GPR158: variants seen among roughly 807,000 people sequenced by gnomAD.
GPR158 encodes G protein-coupled receptor 158, also known as metabotropic glycine receptor.
GPR158 carries 30 observed loss-of-function variants against 78.2 expected under a neutral mutation model. That is an observed-to-expected ratio of 0.38 (90% CI 0.29 to 0.52). GPR158 has a LOEUF of 0.52. Among genes scored for constraint, GPR158 ranks in the 20% least tolerant of loss-of-function variants. GPR158 has a pLI of 0.83. For synonymous variants in GPR158, 581 were observed against 591.1 expected, an observed-to-expected ratio of 0.98 and a Z score of 0.25; for missense variants, 1,463 against 1,523.5, an observed-to-expected ratio of 0.96 and a Z score of 0.66.
At chr10:25,243,210 G>A (rs759397955) in intron 2 of GPR158, among the ~76,000 whole-genome samples, 3 of 151,962 alleles carry the variant, frequency 2.0e-5, no homozygotes, top group Non-Finnish European at 4.4e-5. Flanking sequence ...CTCTTTACTT[G>A]TTGTGTTCAT....
At chr10:25,562,405 T>C (rs960015896) in intron 6 of GPR158, among the ~76,000 whole-genome samples, 12 of 152,216 alleles carry the variant, frequency 7.9e-5, no homozygotes, top group Non-Finnish European at 1.8e-4. Flanking sequence ...ATTGACTTTT[T>C]TCATATAAAC....
intron 5 of GPR158, among the ~76,000 whole-genome samples, chr10:25,497,686 C>T (rs1835901366): frequency 6.6e-6 from 1 of 151,974 alleles, no homozygotes; most frequent in Non-Finnish European, 1.5e-5. Flanking sequence ...GTGTGCTTAG[C>T]AAGGTGAATA....
In GPR158 at chr10:25,581,774, A is replaced by G. The variant is rs1202847529; in HGVS notation, c.1754-7233A>G. 2.6e-5 allele frequency among the ~76,000 whole-genome samples: 4 copies of G among 152,322 alleles called. No individual in the cohort carries two copies. In the East Asian group the frequency reaches 7.7e-4, roughly 29 times the overall value. On this transcript the variant is annotated intron_variant, in intron 7 of 10. Coordinates refer to ENST00000376351, the MANE Select transcript of GPR158 (RefSeq NM_020752.3). The stretch of plus-strand genomic sequence containing the variant: ...AAGATCAAAAATCAGACACTTTGAT[A>G]ATAGTAGCAAGCGATCCCATATCCA...
intron 2 of GPR158, among the ~76,000 whole-genome samples, chr10:25,241,182 TTTCTTTCCTTTCTTTC>T (rs1853608137): frequency 9.2e-6 from 1 of 108,418 alleles, no homozygotes; most frequent in Non-Finnish European, 1.8e-5. Flanking sequence ...TCTTTCTTTC[TTTCTTTCCTTTCTTTC>T]TTTCCTTTCT....
At chr10:25,196,754 C>T (rs1187411345) in intron 1 of GPR158, among the ~76,000 whole-genome samples, 1 of 152,194 alleles carries the variant, frequency 6.6e-6, no homozygotes, top group Non-Finnish European at 1.5e-5. Flanking sequence ...TCAATCTCTG[C>T]AGAAGAGTTC....
intron 2 of GPR158, among the ~76,000 whole-genome samples, chr10:25,226,277 A>G (rs1853371288): frequency 6.6e-6 from 1 of 152,182 alleles, no homozygotes; most frequent in Non-Finnish European, 1.5e-5. Context: ...TAGCCCATGT[A>G]ACTAGTGGCT....
chr10:25,473,423 T>G (rs574431640), intron 5 of GPR158, among the ~76,000 whole-genome samples: 10 of 152,264 alleles, frequency 6.6e-5, no homozygotes, highest in Admixed American at 4.6e-4. Context: ...TCTCTTTTTT[T>G]GTTGTGTCTC....
chr10:25,282,904 T>A (rs532127574), intron 2 of GPR158, among the ~76,000 whole-genome samples: 1 of 152,234 alleles, frequency 6.6e-6, no homozygotes, highest in Admixed American at 6.5e-5. Flanking sequence ...TATTGCTCAA[T>A]GTTTTCTAAT....
intron 2 of GPR158, among the ~76,000 whole-genome samples, chr10:25,338,446 ACG>A (rs1855245786): frequency 2.8e-5 from 4 of 144,180 alleles, no homozygotes; most frequent in African/African-American, 1.0e-4. Flanking sequence ...TATTATATAT[ACG>A]TAATATATAT....
chr10:25,255,906 C>A (rs904451133), intron 2 of GPR158, among the ~76,000 whole-genome samples: 3 of 152,130 alleles, frequency 2.0e-5, no homozygotes, highest in South Asian at 4.1e-4. Context: ...CCTGTCCATA[C>A]TCAATGGGAG....
chr10:25,192,786 TAAA>T (rs547118550), intron 1 of GPR158, among the ~76,000 whole-genome samples: 1 of 148,408 alleles, frequency 6.7e-6, no homozygotes, highest in Non-Finnish European at 1.5e-5. Context: ...AGAAAAATGA[TAAA>T]AAAAAATAAA....
intron 2 of GPR158, among the ~76,000 whole-genome samples, chr10:25,306,105 T>C (rs1854673283): frequency 6.6e-6 from 1 of 152,202 alleles, no homozygotes; most frequent in South Asian, 2.1e-4. Flanking sequence ...TTACTTTCTT[T>C]GTTCCCTGTT....
intron 2 of GPR158, among the ~76,000 whole-genome samples, chr10:25,353,544 C>A (rs1444066580): frequency 6.6e-6 from 1 of 151,780 alleles, no homozygotes; most frequent in South Asian, 2.1e-4. Flanking sequence ...GAGCTCTGAA[C>A]GTCTACCTCT....
intron 2 of GPR158, chr10:25,244,741 A>G (rs1588754701): frequency 1.3e-5 from 2 of 152,158 alleles, no homozygotes; most frequent in African/African-American, 2.4e-5. Context: ...ATCCTGATAC[A>G]TATTGGAGGG....
intron 2 of GPR158, 134 bp downstream of exon 2, chr10:25,221,291 G>T (rs953171787): frequency 7.8e-6 from 4 of 515,650 alleles, no homozygotes; most frequent in African/African-American, 5.9e-5. Context: ...GCTGCCAAAT[G>T]AACTAAAATA....
intron 2 of GPR158, among the ~76,000 whole-genome samples, chr10:25,325,652 G>A (rs1429971324): frequency 1.3e-5 from 2 of 152,124 alleles, no homozygotes; most frequent in African/African-American, 4.8e-5. Context: ...TGGATCATAT[G>A]CTAGTTATAT....
At chr10:25,585,138 C>T (rs1366804574) in intron 7 of GPR158, among the ~76,000 whole-genome samples, 2 of 152,150 alleles carry the variant, frequency 1.3e-5, no homozygotes, top group African/African-American at 4.8e-5. Flanking sequence ...GTTTGTATGC[C>T]TGGAACCCTT....
intron 1 of GPR158, among the ~76,000 whole-genome samples, chr10:25,203,746 T>G (rs2130658674): frequency 6.9e-6 from 1 of 145,318 alleles, no homozygotes; most frequent in South Asian, 2.3e-4. Context: ...AGGCTCTTTT[T>G]TTTGGTTCCA....
intron 3 of GPR158, among the ~76,000 whole-genome samples, chr10:25,406,718 A>T (rs925730823): frequency 6.6e-6 from 1 of 152,148 alleles, no homozygotes; most frequent in Admixed American, 6.6e-5. Context: ...ATCTGGCTTA[A>T]TTTCCTTTCT....
Sources: gnomAD v4.1 joint callset for allele counts (sites outside exome capture counted in the v4.1 genomes callset) on GRCh38, gnomAD v4.1.1 for gene constraint, MANE v1.5 for transcripts, NCBI Gene and HGNC (gene_info 2026-07-23, HGNC 2026-07-21) for gene names.